The following ITIH4 variants were observed in gnomAD, a reference collection of about 807,000 sequenced individuals.
ITIH4 encodes the protein inter-alpha-trypsin inhibitor heavy chain 4.
In ITIH4, 79 loss-of-function variants were observed where a neutral mutation model predicts 111.8. The ratio of observed to expected loss-of-function variants is 0.71; its 90% confidence interval spans 0.59 to 0.85. ITIH4 has a LOEUF of 0.85. Among genes scored for constraint, ITIH4 ranks in the 40% least tolerant of loss-of-function variants. The probability of loss-of-function intolerance (pLI) is 0.00; values close to 1 mark genes in which losing one functional copy is unlikely to be tolerated. For missense variants in ITIH4, 1,065 were observed against 1,195.8 expected (o/e 0.89, Z 1.61); for synonymous variants, 472 against 468.3 (o/e 1.01, Z -0.10).
intron 15 of ITIH4, 73 bp from the exon 16 acceptor site, chr3:52,819,865 C>A (rs1172011599): frequency 3.7e-6 from 6 of 1,603,122 alleles, no homozygotes; most frequent in South Asian, 1.1e-5. Context: ...AGGAGCTGGG[C>A]AAGGCACTAC....
intron 1 of ITIH4, chr3:52,830,074 T>C: frequency 3.2e-6 from 1 of 310,144 alleles, no homozygotes. Flanking sequence ...CTTGTTTATG[T>C]GCTTGGGTAT....
At chr3:52,819,185 G>T in intron 17 of ITIH4, 1 of 572,762 alleles carries the variant, frequency 1.7e-6, no homozygotes, top group Non-Finnish European at 3.1e-6. Context: ...GGGAAGGCGA[G>T]GACAGCCTCC....
rs539649045 is a variant in ITIH4 at position 52,820,223 on chromosome 3, C to G, written c.1861+68G>C. 2.5e-6 allele frequency: 4 copies of G among 1,605,162 alleles called. No individual in the cohort carries two copies. The African/African-American group carries it at 4.0e-5, about 16-fold the overall frequency. Reference sequence around the variant, plus strand: ...GGCCCTGGCCAGCAACCTCACAGGGCTGGTGCCCTGGACCCTGTGTTAGCA... The same window carrying G: ...GGCCCTGGCCAGCAACCTCACAGGGGTGGTGCCCTGGACCCTGTGTTAGCA... On this transcript the variant is annotated intron_variant, in intron 14 of 23. Transcript: ENST00000266041.
At chr3:52,814,605 G>C (rs1249042697) in intron 21 of ITIH4, among the ~76,000 whole-genome samples, 1 of 152,100 alleles carries the variant, frequency 6.6e-6, no homozygotes, top group Non-Finnish European at 1.5e-5. Flanking sequence ...TGGTGGGGCA[G>C]GGACAGGGTC....
In ITIH4 at chr3:52,826,832, G is replaced by A; in HGVS notation, c.478C>T (p.Leu160=). ...AGCTGCTGGGGCCGCACTTTCAGCA[G>A]CAGCTCGTACACCCCCAAACGCCGC... ...LKRRLGVYEL[L]LKVRPQQLVK... The change falls in exon 4 of 24, where the codon CTG becomes TTG. Residue 160 remains leucine, a synonymous_variant. Transcript: ENST00000266041. The A allele has an allele frequency of 6.2e-7, 1 of 1,613,904 alleles. No homozygotes were observed.
At chr3:52,830,111 G>A in intron 1 of ITIH4, 1 of 346,398 alleles carries the variant, frequency 2.9e-6, no homozygotes, top group Admixed American at 4.1e-5. Context: ...ACTGTCCTAA[G>A]CACTTCATAG....
rs1700342590 is a variant in ITIH4, at chr3:52,819,679, T to C, written c.1951+75A>G. The C allele has an allele frequency of 1.5e-5, 23 of 1,583,482 alleles. No homozygotes were observed. The South Asian group carries it at 1.9e-4, about 13-fold the overall frequency. On this transcript the variant is annotated intron_variant, in intron 16 of 23. Transcript: ENST00000266041. ...AGCCTCTCCCCCAACAGCTGGGAGA[T>C]GAACAATAATGGACCTCCCTCAAGC... is the stretch of plus-strand genomic sequence containing the variant.
At position 52,829,258 on chromosome 3, in the gene ITIH4, G is replaced by C. The variant is rs1700532118; in HGVS notation, c.112C>G (p.Leu38Val). The change falls in exon 2 of 24, where the codon CTC becomes GTC. Residue 38 changes from leucine to valine, a missense_variant. Transcript: ENST00000266041. ...GATGAGACCCTGGAGTCCACGGTGAGGCTGTAGATGTCGATGCCATTCTGG... is the reference window on the plus strand; with the variant it reads ...GATGAGACCCTGGAGTCCACGGTGACGCTGTAGATGTCGATGCCATTCTGG... ...AEKNGIDIYS[L>V]TVDSRVSSRF... 5 of 1,611,738 alleles carry C rather than the reference G, an allele frequency of 3.1e-6. No homozygotes were observed. Among genetic ancestry groups the C allele is most frequent in the South Asian group, 2.2e-5 (2 of 90,952 alleles).
chr3:52,828,253 C>T (rs1188352446), intron 2 of ITIH4, among the ~76,000 whole-genome samples: 1 of 152,230 alleles, frequency 6.6e-6, no homozygotes, highest in Non-Finnish European at 1.5e-5. Flanking sequence ...AACTGCTGAC[C>T]CTGGCACCCA....
In ITIH4 at chr3:52,819,696, C is replaced by A. The variant is rs1405609865; in HGVS notation, c.1951+58G>T. The A allele has an allele frequency of 2.5e-6, 4 of 1,594,642 alleles. No homozygotes were observed. In the African/African-American group the frequency reaches 5.4e-5, roughly 21 times the overall value. On this transcript the variant is annotated intron_variant, in intron 16 of 23. Coordinates refer to ENST00000266041, the MANE Select transcript of ITIH4 (RefSeq NM_002218.5). Reference sequence around the variant, plus strand: ...CTGGGAGATGAACAATAATGGACCTCCCTCAAGCTCCCCCCCAGGGATGTC... The same window carrying A: ...CTGGGAGATGAACAATAATGGACCTACCTCAAGCTCCCCCCCAGGGATGTC...
intron 2 of ITIH4, among the ~76,000 whole-genome samples, chr3:52,828,025 T>A (rs1700512668): frequency 6.6e-6 from 1 of 152,164 alleles, no homozygotes; most frequent in Non-Finnish European, 1.5e-5. Flanking sequence ...ATAATTTAAC[T>A]CTAGCCCGGG....
In ITIH4 at chr3:52,824,182, G is replaced by T. The variant is rs769777795; in HGVS notation, c.1171+8C>A. The stretch of plus-strand genomic sequence containing the variant: ...AGCACGTCCTGGAGTCACGGGCAGG[G>T]CCCTCACCCACAGTGGGGTCGCCAT... On this transcript the variant is annotated splice_region_variant and intron_variant, in intron 9 of 23. Coordinates refer to ENST00000266041, the MANE Select transcript of ITIH4 (RefSeq NM_002218.5). The surrounding 1 kb of genome is among the most constrained non-coding windows in gnomAD (Gnocchi z 4.3). 37 of 1,612,714 alleles carry T rather than the reference G, an allele frequency of 2.3e-5. No homozygotes were observed. Among genetic ancestry groups the T allele is most frequent in the Non-Finnish European group, 4.2e-6 (5 of 1,179,750 alleles).
At chr3:52,817,174 C>G in intron 20 of ITIH4, 116 bp from the exon 21 acceptor site, 2 of 786,978 alleles carry the variant, frequency 2.5e-6, no homozygotes, top group Non-Finnish European at 4.1e-6. Flanking sequence ...CTCCCTCCCT[C>G]ATCAGGAGGG....
At chr3:52,825,799 CT>C in intron 6 of ITIH4, 86 bp downstream of exon 6, 1 of 1,467,216 alleles carries the variant, frequency 6.8e-7, no homozygotes. Flanking sequence ...AAGGGTGGTT[CT>C]TTTCCTGTTC....
At chr3:52,829,072 T>C in intron 2 of ITIH4, 47 bp downstream of exon 2, 4 of 1,510,520 alleles carry the variant, frequency 2.6e-6, no homozygotes, top group Non-Finnish European at 3.6e-6. Flanking sequence ...GATGGAGTCA[T>C]AGCACTGGGG....
Position 52,814,364 on chromosome 3 carries a change from CTGTGG to C in ITIH4, c.2472-6_2472-2del, listed in dbSNP as rs778965763. ...CGTCTTGTCCATGGTCATCTTCAGG[CTGTGG>C]AAAGACCCAGTGTCTTGAGCAGGAA... On this transcript the variant is annotated splice_acceptor_variant and splice_polypyrimidine_tract_variant and intron_variant, in intron 21 of 23. Coordinates refer to ENST00000266041, the MANE Select transcript of ITIH4 (RefSeq NM_002218.5). LOFTEE classifies it high-confidence loss of function. 5 of 1,613,792 alleles carry C rather than the reference CTGTGG, an allele frequency of 3.1e-6. No individual in the cohort carries two copies. In the East Asian group the frequency reaches 1.1e-4, roughly 36 times the overall value.
intron 2 of ITIH4, among the ~76,000 whole-genome samples, chr3:52,828,862 G>T (rs1700523964): frequency 6.6e-6 from 1 of 152,200 alleles, no homozygotes; most frequent in African/African-American, 2.4e-5. Context: ...AAGTCACAAA[G>T]ATTCTGTGGT....
Position 52,818,939 on chromosome 3 carries a change from G to A in ITIH4, c.2078-403C>T, listed in dbSNP as rs1578773576. ...CCATACACTGGGTAGTGGGGAGAGGGGCCTTCAGAGAGAGGAAGCTGGCAA... is the reference window on the plus strand; with the variant it reads ...CCATACACTGGGTAGTGGGGAGAGGAGCCTTCAGAGAGAGGAAGCTGGCAA... On this transcript the variant is annotated intron_variant, in intron 17 of 23. Transcript: ENST00000266041. The A allele has an allele frequency of 1.4e-5, 4 of 284,234 alleles. No homozygotes were observed. In the East Asian group the frequency reaches 2.6e-4, roughly 19 times the overall value. 17.6% of individuals were successfully genotyped at this position (284,234 alleles called of 1,614,324 possible). A position where few individuals can be genotyped will look rare whatever the true frequency, so the allele number is the denominator to read the frequency against.
At position 52,826,571 on chromosome 3, in the gene ITIH4, G is replaced by A. The variant is rs371572249; in HGVS notation, c.600C>T (p.Asp200=). The A allele has an allele frequency of 1.8e-5, 29 of 1,613,908 alleles. No individual in the cohort carries two copies. Among genetic ancestry groups the A allele is most frequent in the African/African-American group, 4.0e-5 (3 of 74,930 alleles). ...ESTFMTNQLV[D]ALTTWQNKTK... ...TCTTATTCTGCCAGGTGGTGAGGGC[G>A]TCTACCAGCTGGTTGGTCATGAAGG... The change falls in exon 5 of 24, where the codon GAC becomes GAT. Residue 200 remains aspartate (D), a synonymous_variant. Transcript: ENST00000266041.
Sources: allele counts gnomAD v4.1 joint callset (sites outside exome capture counted in the v4.1 genomes callset), GRCh38; gene constraint gnomAD v4.1.1; non-coding constraint Gnocchi (gnomAD v3.1); transcripts MANE v1.5; gene names NCBI Gene and HGNC (gene_info 2026-07-23, HGNC 2026-07-21).